RABEP1: variants seen among roughly 807,000 people sequenced by gnomAD.
The protein encoded by RABEP1 is rabaptin, RAB GTPase binding effector protein 1, also known as rab GTPase-binding effector protein 1.
In RABEP1, 51 loss-of-function variants were observed where a neutral mutation model predicts 123.4. The observed-to-expected ratio is 0.41, with a 90% confidence interval of 0.33 to 0.52. The LOEUF (loss-of-function observed/expected upper bound fraction) is 0.52, where lower values mean the gene tolerates loss of function less well. RABEP1 is among the 20% of genes least tolerant of loss of function. RABEP1 has a pLI of 0.16. For synonymous variants in RABEP1, 347 were observed against 355.2 expected, an observed-to-expected ratio of 0.98 and a Z score of 0.26; for missense variants, 888 against 996.3, an observed-to-expected ratio of 0.89 and a Z score of 1.46.
intron 1 of RABEP1, among the ~76,000 whole-genome samples, chr17:5,304,910 C>CT (rs1003969466): frequency 6.6e-6 from 1 of 152,158 alleles, no homozygotes; most frequent in Non-Finnish European, 1.5e-5. Flanking sequence ...TTGATCACTA[C>CT]TTTTTTTCTT....
intron 2 of RABEP1, among the ~76,000 whole-genome samples, chr17:5,323,520 A>G (rs1457476816): frequency 6.6e-6 from 1 of 150,950 alleles, no homozygotes; most frequent in South Asian, 2.1e-4. Flanking sequence ...AAATCAGTAC[A>G]CAAAAATCAT....
chr17:5,355,955 G>T (rs1402296428), intron 8 of RABEP1, among the ~76,000 whole-genome samples: 1 of 152,170 alleles, frequency 6.6e-6, no homozygotes, highest in Non-Finnish European at 1.5e-5. Flanking sequence ...TTTTCATCAT[G>T]CAGTAATCTA....
chr17:5,359,311 T>C (rs1909302112), intron 8 of RABEP1, among the ~76,000 whole-genome samples: 2 of 152,120 alleles, frequency 1.3e-5, no homozygotes, highest in Non-Finnish European at 2.9e-5. Context: ...CCTGACCTTG[T>C]GATCTGCCCG....
chr17:5,366,775 T>A (rs1047775301), intron 11 of RABEP1, among the ~76,000 whole-genome samples: 2 of 151,870 alleles, frequency 1.3e-5, no homozygotes, highest in Non-Finnish European at 2.9e-5. Context: ...TGTCTTTTAA[T>A]GAACAGAAGT....
chr17:5,332,521 G>A (rs979838738), intron 3 of RABEP1, among the ~76,000 whole-genome samples: 1 of 151,912 alleles, frequency 6.6e-6, no homozygotes, highest in African/African-American at 2.4e-5. Flanking sequence ...CATGCAAAGG[G>A]TAAAGTAACT....
chr17:5,293,291 C>G (rs923104838), intron 1 of RABEP1, among the ~76,000 whole-genome samples: 3 of 151,024 alleles, frequency 2.0e-5, no homozygotes, highest in Middle Eastern at 3.4e-3. Flanking sequence ...CTGTCTCCCC[C>G]CTCAAAAAAA....
chr17:5,326,984 AAAGCTGTACAGCACGTT>A (rs1906038818), intron 2 of RABEP1, among the ~76,000 whole-genome samples: 1 of 152,208 alleles, frequency 6.6e-6, no homozygotes, highest in Admixed American at 6.5e-5. Flanking sequence ...ACTAAACTGA[AAAGCTGTACAGCACGTT>A]ACTGTACTGA....
At chr17:5,367,756 CTT>C (rs961377229) in intron 11 of RABEP1, among the ~76,000 whole-genome samples, 1 of 146,516 alleles carries the variant, frequency 6.8e-6, no homozygotes, top group South Asian at 2.3e-4. Context: ...AATTTTCTCT[CTT>C]TTTTTTTTAA....
At position 5,383,414 on chromosome 17, in the gene RABEP1, C is replaced by T; in HGVS notation, c.*191C>T. The stretch of plus-strand genomic sequence containing the variant: ...GCAAACAGTGGGGTGATCTGCAGCC[C>T]AGAGACCTTCAAATGCGAACACTAT... On this transcript the variant is annotated 3_prime_UTR_variant, in exon 18 of 18. Transcript: ENST00000537505. 1.8e-6 allele frequency: 1 copy of T among 565,196 alleles called. No individual in the cohort carries two copies. Among genetic ancestry groups the T allele is most frequent in the Non-Finnish European group, 3.2e-6 (1 of 316,918 alleles). The allele number at this position is 565,196 out of a possible 1,614,324, so 35.0% of individuals were successfully genotyped here.
At chr17:5,367,436 T>C (rs1471406280) in intron 11 of RABEP1, among the ~76,000 whole-genome samples, 3 of 151,172 alleles carry the variant, frequency 2.0e-5, no homozygotes, top group Admixed American at 6.6e-5. Flanking sequence ...CACGCCCGGC[T>C]AATTTTTTAT....
intron 2 of RABEP1, among the ~76,000 whole-genome samples, chr17:5,316,012 A>G (rs1360829987): frequency 6.6e-6 from 1 of 152,232 alleles, no homozygotes; most frequent in African/African-American, 2.4e-5. Flanking sequence ...CCAGAAGACA[A>G]TGAAATAAGA....
At chr17:5,316,832 C>CAAAAA (rs55890740) in intron 2 of RABEP1, among the ~76,000 whole-genome samples, 26 of 67,178 alleles carry the variant, frequency 3.9e-4, no homozygotes, top group African/African-American at 1.2e-3. Context: ...GACTCTGTCT[C>CAAAAA]AAAAAAAAAA....
At chr17:5,311,445 C>G (rs549790845) in intron 2 of RABEP1, among the ~76,000 whole-genome samples, 95 of 151,578 alleles carry the variant, frequency 6.3e-4, no homozygotes, top group Non-Finnish European at 1.1e-3. Context: ...ACCTGTAATC[C>G]CAGCATTTTG....
intron 7 of RABEP1, among the ~76,000 whole-genome samples, chr17:5,352,780 G>A (rs1253195771): frequency 3.9e-5 from 6 of 151,976 alleles, no homozygotes; most frequent in South Asian, 2.1e-4. Flanking sequence ...GCAGTGAGCC[G>A]AGATCACATC....
At chr17:5,378,029 T>C (rs1911142715) in intron 14 of RABEP1, 148 bp from the exon 15 acceptor site, 1 of 608,234 alleles carries the variant, frequency 1.6e-6, no homozygotes, top group Non-Finnish European at 2.9e-6. Flanking sequence ...AATATGCTGA[T>C]TGCTTGGTGG....
intron 2 of RABEP1, among the ~76,000 whole-genome samples, chr17:5,327,347 C>CAAAA (rs772982752): frequency 1.3e-5 from 1 of 75,244 alleles, no homozygotes; most frequent in Non-Finnish European, 2.8e-5. Context: ...GATTCTGTCT[C>CAAAA]AAAAAAAAAA....
intron 11 of RABEP1, among the ~76,000 whole-genome samples, chr17:5,366,219 T>G (rs1482200941): frequency 6.6e-6 from 1 of 152,218 alleles, no homozygotes; most frequent in Non-Finnish European, 1.5e-5. Flanking sequence ...TAGTTTGCAT[T>G]TCTCTAATGA....
intron 1 of RABEP1, among the ~76,000 whole-genome samples, chr17:5,295,262 C>T (rs1397000358): frequency 6.6e-6 from 1 of 151,710 alleles, no homozygotes. Flanking sequence ...TGGTGCACAC[C>T]TGTAATCCCA....
At chr17:5,299,722 T>TC (rs2075117253) in intron 1 of RABEP1, among the ~76,000 whole-genome samples, 3 of 115,834 alleles carry the variant, frequency 2.6e-5, no homozygotes, top group East Asian at 3.8e-4. Flanking sequence ...TTCTTTTCTT[T>TC]TTCTTTTTCT....
Sources: allele counts gnomAD v4.1 joint callset (sites outside exome capture counted in the v4.1 genomes callset), GRCh38; gene constraint gnomAD v4.1.1; transcripts MANE v1.5; gene names NCBI Gene and HGNC (gene_info 2026-07-23, HGNC 2026-07-21).